JAG2: variants seen among roughly 807,000 people sequenced by gnomAD.
The protein encoded by JAG2 is protein jagged-2.
JAG2 carries 46 observed loss-of-function variants against 141.7 expected under a neutral mutation model. The ratio of observed to expected loss-of-function variants is 0.32; its 90% CI spans 0.26 to 0.42. The LOEUF is 0.42. JAG2 is among the 10% of genes least tolerant of loss of function. The pLI is 1.00. For synonymous variants in JAG2, 862 were observed against 763.5 expected (o/e 1.13, Z -2.13); for missense variants, 1,500 against 1,817.5 (o/e 0.83, Z 3.18).
At chr14:105,144,902 C>T (rs1196205134) in intron 24 of JAG2, 28 bp downstream of exon 24, 2 of 1,594,856 alleles carry the variant, frequency 1.3e-6, no homozygotes, top group Admixed American at 1.7e-5. Context: ...AGGGCCCACC[C>T]AGGTGCTGCT....
rs1328615764 is a variant in JAG2 at position 105,150,546 on chromosome 14, G to A, written c.1602+58C>T. On this transcript the variant is annotated intron_variant, in intron 12 of 25. Transcript: ENST00000331782. ...CTCAGGCCCCATGGTCAGGGGACGA[G>A]GCCTGCCCTACAGCTCCCAGAGCAG... 9 of 1,495,308 alleles carry A rather than the reference G, an allele frequency of 6.0e-6. No homozygotes were observed. The African/African-American group carries it at 1.1e-4, about 18-fold the overall frequency. 92.6% of individuals were successfully genotyped at this position (1,495,308 alleles called of 1,614,324 possible). A position where few individuals can be genotyped will look rare whatever the true frequency, so the allele number is the denominator to read the frequency against.
At chr14:105,147,101 C>T (rs1233440688) in intron 20 of JAG2, 28 of 622,048 alleles carry the variant, frequency 4.5e-5, no homozygotes, top group East Asian at 8.3e-5. Context: ...CCCTGGGCCC[C>T]GGACTGGTCC....
intron 18 of JAG2, 32 bp from the exon 19 acceptor site, chr14:105,147,559 G>C: frequency 6.2e-7 from 1 of 1,605,550 alleles, no homozygotes; most frequent in Non-Finnish European, 8.5e-7. Context: ...CAGGGGATCA[G>C]TACCCACCCC....
In JAG2 at chr14:105,146,709, T is replaced by G; in HGVS notation, c.2495A>C (p.Gln832Pro). The G allele has an allele frequency of 1.2e-6, 2 of 1,612,414 alleles. No individual in the cohort carries two copies. Among genetic ancestry groups the G allele is most frequent in the South Asian group, 1.1e-5 (1 of 91,076 alleles). The change falls in exon 21 of 26, where the codon CAG becomes CCG. Residue 832 changes from glutamine to proline, a missense_variant. Gln to Pro is a moderately conservative substitution (Grantham distance 76, BLOSUM62 -1). Coordinates refer to ENST00000331782, the MANE Select transcript of JAG2 (RefSeq NM_002226.5). The part of the protein sequence containing the change: ...PDCRINIDEC[Q>P]SSPCAYGATC... ...GGCCCCGTAGGCACAGGGCGAGGAC[T>G]GGCACTCGTCGATGTCTGCAGGGAG...
intron 25 of JAG2, 67 bp from the exon 26 acceptor site, chr14:105,143,237 C>A: frequency 6.5e-7 from 1 of 1,527,378 alleles, no homozygotes; most frequent in Non-Finnish European, 8.8e-7. Context: ...TAGCCACACA[C>A]CCAGGCCTGG....
At chr14:105,162,659 T>A (rs1366207811) in intron 2 of JAG2, among the ~76,000 whole-genome samples, 6 of 142,120 alleles carry the variant, frequency 4.2e-5, no homozygotes, top group East Asian at 2.1e-4. Context: ...CCAGGGCACC[T>A]TAAAGCCCAG....
At position 105,152,249 on chromosome 14, in the gene JAG2, G is replaced by A. The variant is rs1300236749; in HGVS notation, c.831C>T (p.Val277=). Residue 277 remains valine (V), a synonymous_variant, in exon 6 of 26, where the codon GTC becomes GTT. Coordinates refer to ENST00000331782, the MANE Select transcript of JAG2 (RefSeq NM_002226.5). The part of the protein sequence containing the change: ...GWQGRFCDEC[V]PYPGCVHGSC... ...TGCCATGCACGCAGCCGGGGTAGGG[G>A]ACACACTCATCGCAGAACCTCCCTT... 2 of 1,613,398 alleles carry A rather than the reference G, an allele frequency of 1.2e-6. No homozygotes were observed. The highest frequency in any genetic ancestry group is 1.7e-5 in the Admixed American group (1 of 60,024).
chr14:105,165,494 GTC>G (rs1888881929), intron 2 of JAG2, among the ~76,000 whole-genome samples: 1 of 152,188 alleles, frequency 6.6e-6, no homozygotes, highest in African/African-American at 2.4e-5. Flanking sequence ...CTGGCATGTG[GTC>G]CACCACCTCT....
Position 105,146,671 on chromosome 14 carries a change from C to T in JAG2, c.2533G>A (p.Glu845Lys). The T allele has an allele frequency of 6.2e-7, 1 of 1,612,728 alleles. No individual in the cohort carries two copies. Among genetic ancestry groups the T allele is most frequent in the South Asian group, 1.1e-5 (1 of 91,090 alleles). Residue 845 changes from glutamate to lysine, a missense_variant, in exon 21 of 26, where the codon GAG (glutamate) becomes AAG (lysine). Glu to Lys is a moderately conservative substitution (Grantham distance 56, BLOSUM62 1). Around this residue, in one of 3 missense-constraint regions of JAG2, gnomAD observed 875 missense variants for 1,202.2 expected, o/e 0.73. Coordinates refer to ENST00000331782, the MANE Select transcript of JAG2 (RefSeq NM_002226.5). The part of the protein sequence containing the change: ...PCAYGATCVD[E>K]INGYRCSCPP... Reference sequence around the variant, plus strand: ...CAGCTACAGCGATACCCGTTGATCTCATCCACACACGTGGCCCCGTAGGCA... The same window carrying T: ...CAGCTACAGCGATACCCGTTGATCTTATCCACACACGTGGCCCCGTAGGCA...
chr14:105,167,991 GC>G lies in JAG2; in HGVS notation c.182del (p.Gly61AlafsTer22). 1.9e-6 allele frequency: 3 copies of G among 1,601,814 alleles called. No homozygotes were observed. On this transcript the variant is annotated frameshift_variant, in exon 2 of 26. Transcript: ENST00000331782. LOFTEE classifies it high-confidence loss of function. The surrounding 1 kb of genome is among the most constrained non-coding windows in gnomAD (Gnocchi z 4.8). ...ACGTGTCGCACTCGTCGTGGCCGCAGCCCCCCGCGCGCGTTGTCCGGCCGTC... is the reference window on the plus strand; with the variant it reads ...ACGTGTCGCACTCGTCGTGGCCGCAGCCCCCGCGCGCGTTGTCCGGCCGTC... ...DGDGRTTRAG[G>X]CGHDECDTYV...
rs142358783 is a variant in JAG2, at chr14:105,163,864, C to G, written c.417+3893G>C. On this transcript the variant is annotated intron_variant, in intron 2 of 25. Coordinates refer to ENST00000331782, the MANE Select transcript of JAG2 (RefSeq NM_002226.5). ...CAGGCCTAGGGTCTGGGGACAGGGA[C>G]CCCGCTCAGGCCTGGGGTCTGGGGA... Among the ~76,000 whole-genome samples the G allele has an allele frequency of 3.0e-3, 453 of 151,244 alleles. 4 individuals carry two copies. Among genetic ancestry groups the G allele is most frequent in the South Asian group, 0.026 (124 of 4,778 alleles).
intron 2 of JAG2, among the ~76,000 whole-genome samples, chr14:105,164,909 T>C (rs997189577): frequency 1.3e-5 from 2 of 152,094 alleles, no homozygotes; most frequent in Admixed American, 6.5e-5. Flanking sequence ...CCTGAGCTGA[T>C]AGACGCAGGG....
At chr14:105,149,430 C>A (rs1041496045) in intron 12 of JAG2, 110 bp from the exon 13 acceptor site, 7 of 1,372,778 alleles carry the variant, frequency 5.1e-6, no homozygotes. Flanking sequence ...CAGGCCCCTC[C>A]GCCCTGGGCC....
chr14:105,145,736 G>A lies in JAG2; in HGVS notation c.2947C>T (p.Pro983Ser). The change falls in exon 23 of 26, where the codon CCC becomes TCC. Residue 983 changes from proline (P) to serine (S), a missense_variant. Pro to Ser is a moderately conservative substitution (Grantham distance 74). Coordinates refer to ENST00000331782, the MANE Select transcript of JAG2 (RefSeq NM_002226.5). ...LTLHFNRDHV[P>S]QGTTVGAICS... ...GATGCCACCAGGCCCCTCACCTGGG[G>A]CACGTGGTCACGGTTGAAATGCAAG... 6.3e-7 allele frequency: 1 copy of A among 1,594,304 alleles called. No individual in the cohort carries two copies. Among genetic ancestry groups the A allele is most frequent in the Non-Finnish European group, 8.5e-7 (1 of 1,171,148 alleles).
At position 105,151,023 on chromosome 14, in the gene JAG2, A is replaced by G. The variant is rs1888407841; in HGVS notation, c.1349T>C (p.Ile450Thr). 2.5e-6 allele frequency: 4 copies of G among 1,612,996 alleles called. No individual in the cohort carries two copies. Among genetic ancestry groups the G allele is most frequent in the Non-Finnish European group, 2.5e-6 (3 of 1,179,822 alleles). ...NLIGGYYCDC[I>T]PGWKGINCHI... ...GCAGTTGATGCCCTTCCAGCCCGGG[A>G]TGCAATCACAGTAATAGCCGCCAAT... The change falls in exon 10 of 26, where the codon ATC becomes ACC. Residue 450 changes from isoleucine to threonine, a missense_variant. Transcript: ENST00000331782.
chr14:105,144,900 C>A, intron 24 of JAG2, 30 bp downstream of exon 24: 1 of 1,594,150 alleles, frequency 6.3e-7, no homozygotes, highest in South Asian at 1.1e-5. Context: ...CCAGGGCCCA[C>A]CCAGGTGCTG....
chr14:105,147,898 G>C lies in JAG2; in HGVS notation c.2249-10C>G. Reference sequence around the variant, plus strand: ...CAGCTGCTGTTCTTGGCTGTAAGGAGAGGAGGAGGAGGGAGCGTCTCACCT... The same window carrying C: ...CAGCTGCTGTTCTTGGCTGTAAGGACAGGAGGAGGAGGGAGCGTCTCACCT... On this transcript the variant is annotated splice_polypyrimidine_tract_variant and intron_variant, in intron 17 of 25. Transcript: ENST00000331782. 2 of 1,523,338 alleles carry C rather than the reference G, an allele frequency of 1.3e-6. No individual in the cohort carries two copies. The highest frequency in any genetic ancestry group is 8.9e-7 in the Non-Finnish European group (1 of 1,123,634). 94.4% of individuals were successfully genotyped at this position (1,523,338 alleles called of 1,614,324 possible). A position where few individuals can be genotyped will look rare whatever the true frequency, so the allele number is the denominator to read the frequency against.
rs150043609 is a variant in JAG2 at position 105,146,690 on chromosome 14, G to A, written c.2514C>T (p.Tyr838=). The A allele has an allele frequency of 5.1e-5, 82 of 1,612,670 alleles. No individual in the cohort carries two copies. Among genetic ancestry groups the A allele is most frequent in the Non-Finnish European group, 5.6e-5 (66 of 1,179,864 alleles). Residue 838 remains tyrosine, a synonymous_variant, in exon 21 of 26, where the codon TAC becomes TAT. Transcript: ENST00000331782. ...IDECQSSPCA[Y]GATCVDEING... The stretch of plus-strand genomic sequence containing the variant: ...TGATCTCATCCACACACGTGGCCCC[G>A]TAGGCACAGGGCGAGGACTGGCACT...
chr14:105,142,723 T>C lies in JAG2; in HGVS notation c.3689A>G (p.Asn1230Ser), dbSNP rs587706362. The change falls in exon 26 of 26, where the codon AAT (asparagine) becomes AGT (serine). Residue 1230 changes from asparagine to serine, a missense_variant. Physicochemically the swap from Asn to Ser is conservative, Grantham distance 46 (BLOSUM62 1). Around this residue, in one of 3 missense-constraint regions of JAG2, gnomAD observed 425 missense variants for 441.0 expected, o/e 0.96. Transcript: ENST00000331782. ...CTCCTTGCCGGCGTAGCGGGCCTCA[T>C]TGATGCTCCTGACCGCGCGGTTGTC... The part of the protein sequence containing the change: ...KVDNRAVRSI[N>S]EARYAGKE The C allele has an allele frequency of 6.6e-5, 106 of 1,607,158 alleles. No individual in the cohort carries two copies. Among genetic ancestry groups the C allele is most frequent in the East Asian group, 3.6e-4 (16 of 44,646 alleles).
Sources: allele counts gnomAD v4.1 joint callset (sites outside exome capture counted in the v4.1 genomes callset), GRCh38; gene constraint gnomAD v4.1.1; regional missense constraint gnomAD v4.1.1; non-coding constraint Gnocchi (gnomAD v3.1); transcripts MANE v1.5; gene names NCBI Gene and HGNC (gene_info 2026-07-23, HGNC 2026-07-21).